The following ABHD2 variants were observed in gnomAD, a reference collection of about 807,000 sequenced individuals.
The protein encoded by ABHD2 is abhydrolase domain containing 2, acylglycerol lipase, also known as monoacylglycerol lipase ABHD2.
ABHD2 carries 20 observed loss-of-function variants against 48.1 expected under a neutral mutation model. The observed-to-expected ratio is 0.42, with a 90% CI of 0.29 to 0.60. The LOEUF (loss-of-function observed/expected upper bound fraction) is 0.60. ABHD2 is among the 20% of genes least tolerant of loss of function. The pLI is 0.24. For missense variants in ABHD2, 405 were observed against 550.9 expected, an observed-to-expected ratio of 0.74 and a Z score of 2.65; for synonymous variants, 209 against 214.2, an observed-to-expected ratio of 0.98 and a Z score of 0.21.
intron 3 of ABHD2, among the ~76,000 whole-genome samples, chr15:89,149,108 CA>C (rs1304188703): frequency 6.6e-6 from 1 of 151,988 alleles, no homozygotes. Flanking sequence ...AGTGTTTTAT[CA>C]GTAGGTATTG....
In ABHD2 at chr15:89,185,992, A is replaced by G. The variant is rs1191391576; in HGVS notation, c.815+476A>G. On this transcript the variant is annotated intron_variant, in intron 7 of 10. Coordinates refer to ENST00000352732, the MANE Select transcript of ABHD2 (RefSeq NM_152924.5). The surrounding 1 kb of genome is among the most constrained non-coding windows in gnomAD (Gnocchi z 5.9). ...AAAAAAAAGAAAAGAAACCTGTCCC[A>G]AGCTACTGAATTTGCCAAATTGCCT... Among the ~76,000 whole-genome samples, 1 of 152,216 alleles carries G rather than the reference A, an allele frequency of 6.6e-6. No homozygotes were observed. Among genetic ancestry groups the G allele is most frequent in the Non-Finnish European group, 1.5e-5 (1 of 68,030 alleles).
intron 10 of ABHD2, chr15:89,193,521 C>T: frequency 1.7e-6 from 1 of 598,062 alleles, no homozygotes; most frequent in Non-Finnish European, 3.0e-6. Context: ...TCGTGTTCCT[C>T]CCAGGGCATG....
intron 1 of ABHD2, among the ~76,000 whole-genome samples, chr15:89,108,022 A>C (rs954669444): frequency 3.3e-5 from 5 of 152,192 alleles, no homozygotes; most frequent in African/African-American, 1.2e-4. Context: ...TATTATGTTA[A>C]GAAGTCATCT....
At chr15:89,130,524 C>G (rs970768375) in intron 3 of ABHD2, among the ~76,000 whole-genome samples, 1 of 152,152 alleles carries the variant, frequency 6.6e-6, no homozygotes, top group African/African-American at 2.4e-5. Context: ...AAGCCCCTTC[C>G]TCATCCCTGT....
Position 89,155,485 on chromosome 15 carries a change from G to A in ABHD2, c.489G>A (p.Leu163=). 1 of 1,614,086 alleles carries A rather than the reference G, an allele frequency of 6.2e-7. No homozygotes were observed. Among genetic ancestry groups the A allele is most frequent in the Non-Finnish European group, 8.5e-7 (1 of 1,179,984 alleles). ...ATCGGTGCGCCGTGCTGAACCACCT[G>A]GGTGCCCTGCCCAACATTGAATTGA... ...NGYRCAVLNH[L]GALPNIELTS... Residue 163 remains leucine (L), a synonymous_variant, in exon 5 of 11, where the codon CTG becomes CTA. Transcript: ENST00000352732. This position sits in a 1 kb window ranked among gnomAD's most constrained non-coding sequence, Gnocchi z 4.9.
In ABHD2 at chr15:89,189,204, G is replaced by A. The variant is rs1044065913; in HGVS notation, c.926+901G>A. On this transcript the variant is annotated intron_variant, in intron 8 of 10. Transcript: ENST00000352732. This position sits in a 1 kb window ranked among gnomAD's most constrained non-coding sequence, Gnocchi z 4.9. Reference sequence around the variant, plus strand: ...CCTTTTCATTTAACAATCATTTGAGGCCAGGAACAGTGGCTCATGCCTGTA... The same window carrying A: ...CCTTTTCATTTAACAATCATTTGAGACCAGGAACAGTGGCTCATGCCTGTA... Among the ~76,000 whole-genome samples the A allele has an allele frequency of 3.9e-5, 6 of 152,160 alleles. No individual in the cohort carries two copies. The highest frequency in any genetic ancestry group is 1.4e-4 in the African/African-American group (6 of 41,446).
chr15:89,065,466 G>T, the ABHD2 span, among the ~76,000 whole-genome samples: 29 of 152,076 alleles, frequency 1.9e-4, no homozygotes, highest in Admixed American at 1.9e-3. Context: ...TCTTCCTCCT[G>T]AGGGCCTCTT....
chr15:89,081,880 G>A, the ABHD2 span, among the ~76,000 whole-genome samples: 1 of 152,084 alleles, frequency 6.6e-6, no homozygotes, highest in Non-Finnish European at 1.5e-5. Flanking sequence ...ATAATAAAAT[G>A]TAATCCTTAT....
rs2049794053 is a variant in ABHD2 at position 89,106,840 on chromosome 15, T to C, written c.-106-6885T>C. On this transcript the variant is annotated intron_variant, in intron 1 of 10. Coordinates refer to ENST00000352732, the MANE Select transcript of ABHD2 (RefSeq NM_152924.5). The surrounding 1 kb of genome is among the most constrained non-coding windows in gnomAD (Gnocchi z 4.2). ...CATCTGAAACCAGTGAATGTGACCT[T>C]ATTTGGAAATTGGGTCTTTGCAGAT... Among the ~76,000 whole-genome samples the C allele has an allele frequency of 6.6e-6, 1 of 152,208 alleles. No homozygotes were observed. The highest frequency in any genetic ancestry group is 1.5e-5 in the Non-Finnish European group (1 of 68,030).
At chr15:89,156,022 T>A (rs1007909062) in intron 5 of ABHD2, among the ~76,000 whole-genome samples, 3 of 152,178 alleles carry the variant, frequency 2.0e-5, no homozygotes. Flanking sequence ...TTTCGACGAA[T>A]GCTTCTTGAT....
the ABHD2 span, among the ~76,000 whole-genome samples, chr15:89,053,410 T>G: frequency 6.6e-6 from 1 of 152,128 alleles, no homozygotes; most frequent in Non-Finnish European, 1.5e-5. Flanking sequence ...CAGCATAATC[T>G]CACCACCCTA....
the ABHD2 span, among the ~76,000 whole-genome samples, chr15:89,048,592 C>A: frequency 6.6e-6 from 1 of 152,064 alleles, no homozygotes; most frequent in Admixed American, 6.6e-5. Context: ...AGGCTTTGCT[C>A]ATTTCTTTTT....
In ABHD2 at chr15:89,184,731, C is replaced by T. The variant is rs770081056; in HGVS notation, c.723-693C>T. Among the ~76,000 whole-genome samples, 10 of 152,162 alleles carry T rather than the reference C, an allele frequency of 6.6e-5. No homozygotes were observed. The highest frequency in any genetic ancestry group is 1.2e-4 in the Non-Finnish European group (8 of 68,036). On this transcript the variant is annotated intron_variant, in intron 6 of 10. Transcript: ENST00000352732. The surrounding 1 kb of genome is among the most constrained non-coding windows in gnomAD (Gnocchi z 5.1). The stretch of plus-strand genomic sequence containing the variant: ...AGGGATAATATCACCTGCCTACTGC[C>T]GCCATTGAAGGGTCAGAGTGTGGCC...
chr15:89,180,745 C>G (rs2051096852), intron 6 of ABHD2, among the ~76,000 whole-genome samples: 1 of 152,196 alleles, frequency 6.6e-6, no homozygotes, highest in Non-Finnish European at 1.5e-5. Context: ...TCTCTGCAGG[C>G]TGGGCTGGTC....
At chr15:89,105,070 C>A (rs2049762407) in intron 1 of ABHD2, among the ~76,000 whole-genome samples, 1 of 152,122 alleles carries the variant, frequency 6.6e-6, no homozygotes, top group Non-Finnish European at 1.5e-5. Context: ...TTTGTTTGTT[C>A]TCAGGTATGG....
intron 5 of ABHD2, among the ~76,000 whole-genome samples, chr15:89,160,205 C>T (rs181129996): frequency 3.3e-5 from 5 of 152,318 alleles, no homozygotes; most frequent in East Asian, 1.9e-4. Context: ...CACGTTAGAG[C>T]AAAGCCCGTG....
At chr15:89,115,736 G>A (rs2049949636) in intron 2 of ABHD2, among the ~76,000 whole-genome samples, 1 of 152,108 alleles carries the variant, frequency 6.6e-6, no homozygotes. Flanking sequence ...GGAGCAGATG[G>A]CTGAGTCAGG....
chr15:89,082,512 C>G (rs1487985526), upstream of ABHD2: 2 of 152,430 alleles, frequency 1.3e-5, no homozygotes, highest in African/African-American at 4.8e-5. The surrounding 1 kb of genome is among the most constrained non-coding windows in gnomAD (Gnocchi z 4.4). Flanking sequence ...ATGCCATGCT[C>G]CCTCACCGCC....
At chr15:89,042,969 A>G in the ABHD2 span, among the ~76,000 whole-genome samples, 1 of 152,114 alleles carries the variant, frequency 6.6e-6, no homozygotes, top group Admixed American at 6.6e-5. Context: ...CGCCCGGCCT[A>G]TACCTTCTTT....
Sources: allele counts gnomAD v4.1 joint callset (sites outside exome capture counted in the v4.1 genomes callset), GRCh38; gene constraint gnomAD v4.1.1; non-coding constraint Gnocchi (gnomAD v3.1); transcripts MANE v1.5; gene names NCBI Gene and HGNC (gene_info 2026-07-23, HGNC 2026-07-21).